ABHD6: variants seen among roughly 807,000 people sequenced by gnomAD.
ABHD6 encodes the protein monoacylglycerol lipase ABHD6.
Under a neutral mutation model 38.8 loss-of-function variants are expected in ABHD6, and 33 were observed. The ratio of observed to expected loss-of-function variants is 0.85; its 90% CI spans 0.64 to 1.14. The LOEUF (loss-of-function observed/expected upper bound fraction) is 1.14. ABHD6 is among the 50% of genes most tolerant of loss of function. The probability of loss-of-function intolerance (pLI) is 0.00; values close to 1 mark genes in which losing one functional copy is unlikely to be tolerated. For synonymous variants in ABHD6, 147 were observed against 161.6 expected (o/e 0.91, Z 0.69); for missense variants, 380 against 422.6 (o/e 0.90, Z 0.88).
intron 3 of ABHD6, chr3:58,258,319 T>C (rs2097434728): frequency 2.4e-6 from 1 of 416,630 alleles, no homozygotes. Context: ...AAAAAAAATA[T>C]GTATATATAT....
rs200734362 is a variant in ABHD6 at position 58,270,536 on chromosome 3, TG to T, written c.391-394del. On this transcript the variant is annotated intron_variant, in intron 5 of 9. Coordinates refer to ENST00000478253, the MANE Select transcript of ABHD6 (RefSeq NM_001320126.2). ...AAAAAAAAAAAAAATCAGCCAGATG[TG>T]GTGGTGCATGCCTGTAGTTCTAGCT... Among the ~76,000 whole-genome samples, 773 of 147,602 alleles carry T rather than the reference TG, an allele frequency of 5.2e-3. 3 individuals carry two copies. The highest frequency in any genetic ancestry group is 0.018 in the African/African-American group (709 of 40,014).
intron 7 of ABHD6, among the ~76,000 whole-genome samples, chr3:58,275,431 G>A (rs987857054): frequency 6.7e-6 from 1 of 150,308 alleles, no homozygotes; most frequent in South Asian, 2.1e-4. Context: ...CCAGGTTCAA[G>A]CGATTCTTCT....
chr3:58,285,241 G>A lies in ABHD6; in HGVS notation c.736+102G>A. 1 of 1,520,438 alleles carries A rather than the reference G, an allele frequency of 6.6e-7. No homozygotes were observed. The highest frequency in any genetic ancestry group is 1.1e-5 in the South Asian group (1 of 88,978). 94.2% of individuals were successfully genotyped at this position (1,520,438 alleles called of 1,614,324 possible). A position where few individuals can be genotyped will look rare whatever the true frequency, so the allele number is the denominator to read the frequency against. ...TCTGACACTTTGAATGTCTCTTTGG[G>A]CCCCTGAAGAGAGGAAGTGGTGGCC... is the stretch of plus-strand genomic sequence containing the variant. On this transcript the variant is annotated intron_variant, in intron 8 of 9. Coordinates refer to ENST00000478253, the MANE Select transcript of ABHD6 (RefSeq NM_001320126.2). This position sits in a 1 kb window ranked among gnomAD's most constrained non-coding sequence, Gnocchi z 4.9.
chr3:58,255,937 A>G (rs968172308), intron 2 of ABHD6, among the ~76,000 whole-genome samples: 6 of 151,982 alleles, frequency 3.9e-5, no homozygotes, highest in Non-Finnish European at 8.8e-5. Context: ...GAGCCACTGC[A>G]CCTGTCTCCT....
rs1431077109 is a variant in ABHD6, at chr3:58,259,727, A to C, written c.119+3022A>C. Among the ~76,000 whole-genome samples, 2 of 152,166 alleles carry C rather than the reference A, an allele frequency of 1.3e-5. No homozygotes were observed. The highest frequency in any genetic ancestry group is 2.9e-5 in the Non-Finnish European group (2 of 68,030). On this transcript the variant is annotated intron_variant, in intron 3 of 9. Transcript: ENST00000478253. The surrounding 1 kb of genome is among the most constrained non-coding windows in gnomAD (Gnocchi z 4.7). ...ATAAATATAAATGTAAATAAATAAA[A>C]TGTACAATTCAGTGGTTTTAATATA...
intron 1 of ABHD6, among the ~76,000 whole-genome samples, chr3:58,240,730 A>T: frequency 1.5e-5 from 1 of 65,212 alleles, no homozygotes. Flanking sequence ...AAACCTGGGT[A>T]ATTTTTTTTT....
At chr3:58,243,235 C>T (rs1161303704) in intron 1 of ABHD6, among the ~76,000 whole-genome samples, 1 of 152,046 alleles carries the variant, frequency 6.6e-6, no homozygotes, top group Non-Finnish European at 1.5e-5. Flanking sequence ...GGGTGTATGC[C>T]CAGTAATGAG....
rs976060288 is a variant in ABHD6, at chr3:58,259,501, G to A, written c.119+2796G>A. On this transcript the variant is annotated intron_variant, in intron 3 of 9. Coordinates refer to ENST00000478253, the MANE Select transcript of ABHD6 (RefSeq NM_001320126.2). The surrounding 1 kb of genome is among the most constrained non-coding windows in gnomAD (Gnocchi z 4.7). ...TCGAGACCAGCCTGGCCAACATGGC[G>A]AAACCCCGTCTCTACTAAAAATACA... Among the ~76,000 whole-genome samples the A allele has an allele frequency of 6.6e-5, 10 of 152,160 alleles. No homozygotes were observed. Among genetic ancestry groups the A allele is most frequent in the African/African-American group, 1.4e-4 (6 of 41,526 alleles).
chr3:58,272,207 A>G (rs563149043), intron 6 of ABHD6, among the ~76,000 whole-genome samples: 1 of 152,310 alleles, frequency 6.6e-6, no homozygotes, highest in African/African-American at 2.4e-5. Flanking sequence ...TGCAGTTACC[A>G]TGCAGGTCAA....
intron 3 of ABHD6, among the ~76,000 whole-genome samples, chr3:58,264,879 A>G (rs1449986213): frequency 6.6e-6 from 1 of 152,178 alleles, no homozygotes. Context: ...CATCCCCTCA[A>G]GCATTTATCC....
chr3:58,281,338 A>T (rs1332775887), intron 7 of ABHD6, among the ~76,000 whole-genome samples: 2 of 152,176 alleles, frequency 1.3e-5, no homozygotes, highest in Admixed American at 6.5e-5. Flanking sequence ...GCCGCCTTGC[A>T]GTTCAATCTC....
chr3:58,278,455 A>G (rs1425381753), intron 7 of ABHD6, among the ~76,000 whole-genome samples: 2 of 152,034 alleles, frequency 1.3e-5, no homozygotes, highest in African/African-American at 4.8e-5. Flanking sequence ...TATCCCCTTT[A>G]TCATTTTTTA....
At chr3:58,289,221 ATTTTTTATTTTTTTTAT>A (rs1329853427) in intron 9 of ABHD6, among the ~76,000 whole-genome samples, 2 of 55,832 alleles carry the variant, frequency 3.6e-5, no homozygotes, top group African/African-American at 1.3e-4. Flanking sequence ...CACCCGGGTA[ATTTTTTATTTTTTTTAT>A]TTTTTTATTT....
intron 7 of ABHD6, among the ~76,000 whole-genome samples, chr3:58,277,288 C>T (rs1294324710): frequency 6.6e-6 from 1 of 152,138 alleles, no homozygotes; most frequent in Non-Finnish European, 1.5e-5. Flanking sequence ...TCTTTTATTT[C>T]GTTGAGCAGT....
chr3:58,268,558 C>T (rs540027155), intron 4 of ABHD6, among the ~76,000 whole-genome samples: 1 of 152,190 alleles, frequency 6.6e-6, no homozygotes, highest in South Asian at 2.1e-4. Context: ...CATCAGGCAA[C>T]ACCATACCTG....
chr3:58,243,964 A>C (rs2097424572), intron 1 of ABHD6, among the ~76,000 whole-genome samples: 1 of 152,176 alleles, frequency 6.6e-6, no homozygotes, highest in South Asian at 2.1e-4. Context: ...GCTGGGAAGC[A>C]GAAGTTTTCA....
At chr3:58,246,465 A>G (rs56176678) in intron 1 of ABHD6, among the ~76,000 whole-genome samples, 28,677 of 152,146 alleles carry the variant, frequency 0.19, 4,387 homozygotes, top group East Asian at 0.79. Flanking sequence ...TCTGCCTGTC[A>G]CTTCTCTAGA....
At position 58,248,325 on chromosome 3, in the gene ABHD6, C is replaced by T. The variant is rs183948021; in HGVS notation, c.-90-1553C>T. Among the ~76,000 whole-genome samples the T allele has an allele frequency of 2.7e-4, 41 of 152,268 alleles. 2 individuals are homozygous for T. Among genetic ancestry groups the T allele is most frequent in the Admixed American group, 2.0e-3 (31 of 15,288 alleles). On this transcript the variant is annotated intron_variant, in intron 1 of 9. Transcript: ENST00000478253. Reference sequence around the variant, plus strand: ...CGTGTAAATTATTTCCAATCTTTTGCCATTATGAATACTATTGTAATACTC... The same window carrying T: ...CGTGTAAATTATTTCCAATCTTTTGTCATTATGAATACTATTGTAATACTC...
At chr3:58,271,410 A>G (rs191084544) in intron 6 of ABHD6, among the ~76,000 whole-genome samples, 91 of 152,214 alleles carry the variant, frequency 6.0e-4, no homozygotes, top group African/African-American at 2.1e-3. Context: ...TTTGAAATAT[A>G]ATGTTACTAT....
Sources: allele counts gnomAD v4.1 joint callset (sites outside exome capture counted in the v4.1 genomes callset), GRCh38; gene constraint gnomAD v4.1.1; non-coding constraint Gnocchi (gnomAD v3.1); transcripts MANE v1.5; gene names NCBI Gene and HGNC (gene_info 2026-07-23, HGNC 2026-07-21).